The following PRKAR2A variants were observed in gnomAD, a reference collection of about 807,000 sequenced individuals.
PRKAR2A encodes cAMP-dependent protein kinase type II-alpha regulatory subunit.
Under a neutral mutation model 51.9 loss-of-function variants are expected in PRKAR2A, and 29 were observed. That is an observed-to-expected ratio of 0.56 (90% confidence interval 0.42 to 0.76). PRKAR2A has a LOEUF of 0.76. PRKAR2A is among the 30% of genes least tolerant of loss of function. PRKAR2A has a pLI of 0.00. For synonymous variants in PRKAR2A, 178 were observed against 186.2 expected, an observed-to-expected ratio of 0.96 and a Z score of 0.36; for missense variants, 445 against 512.1, an observed-to-expected ratio of 0.87 and a Z score of 1.26.
chr3:48,820,337 C>CA (rs1395133138), intron 1 of PRKAR2A, among the ~76,000 whole-genome samples: 2 of 151,908 alleles, frequency 1.3e-5, no homozygotes, highest in South Asian at 2.1e-4. Flanking sequence ...ATATTCCTGA[C>CA]AAAAAAATGA....
At chr3:48,840,227 T>A (rs2083354441) in intron 1 of PRKAR2A, among the ~76,000 whole-genome samples, 1 of 152,164 alleles carries the variant, frequency 6.6e-6, no homozygotes. Context: ...TGGTGGCTCA[T>A]GCCTGTAATC....
intron 2 of PRKAR2A, among the ~76,000 whole-genome samples, chr3:48,807,006 C>T (rs1338048573): frequency 6.6e-6 from 1 of 152,096 alleles, no homozygotes; most frequent in Non-Finnish European, 1.5e-5. Flanking sequence ...CTCCTCACCT[C>T]GTGATCCACC....
At chr3:48,780,295 C>T (rs2082173211) in intron 5 of PRKAR2A, among the ~76,000 whole-genome samples, 1 of 151,804 alleles carries the variant, frequency 6.6e-6, no homozygotes. Flanking sequence ...CCTAAATCAG[C>T]ATTTAGAGTA....
At chr3:48,763,273 T>C (rs1037706464) in intron 8 of PRKAR2A, among the ~76,000 whole-genome samples, 2 of 152,104 alleles carry the variant, frequency 1.3e-5, no homozygotes, top group Non-Finnish European at 1.5e-5. Flanking sequence ...GAAGCCTTGG[T>C]CCAGTGAGAG....
chr3:48,771,815 T>C (rs1176021065), intron 6 of PRKAR2A, among the ~76,000 whole-genome samples: 1 of 152,198 alleles, frequency 6.6e-6, no homozygotes, highest in Admixed American at 6.6e-5. Context: ...AAATGTTCAT[T>C]CTGTTGTTGC....
At chr3:48,782,930 C>G (rs1208266451) in intron 5 of PRKAR2A, 56 bp downstream of exon 5, 2 of 1,252,692 alleles carry the variant, frequency 1.6e-6, no homozygotes, top group Non-Finnish European at 2.3e-6. Context: ...AGCATCTGCC[C>G]TGAGTCATGA....
intron 1 of PRKAR2A, among the ~76,000 whole-genome samples, chr3:48,837,820 A>G (rs1417835053): frequency 6.6e-6 from 1 of 152,000 alleles, no homozygotes; most frequent in Non-Finnish European, 1.5e-5. Context: ...AAAAAAAAAA[A>G]GTACTGATAC....
chr3:48,847,321 C>A lies in PRKAR2A; in HGVS notation c.262+14G>T. 1 of 1,613,010 alleles carries A rather than the reference C, an allele frequency of 6.2e-7. No homozygotes were observed. The highest frequency in any genetic ancestry group is 8.5e-7 in the Non-Finnish European group (1 of 1,179,490). On this transcript the variant is annotated intron_variant, in intron 1 of 10. Coordinates refer to ENST00000265563, the MANE Select transcript of PRKAR2A (RefSeq NM_004157.4). The surrounding 1 kb of genome is among the most constrained non-coding windows in gnomAD (Gnocchi z 4.4). Reference sequence around the variant, plus strand: ...CCTCCTGCACCACTCCCCAGGGCCCCGCCCACAGCCTACCTTCCAAGTCCT... The same window carrying A: ...CCTCCTGCACCACTCCCCAGGGCCCAGCCCACAGCCTACCTTCCAAGTCCT...
At chr3:48,817,602 G>A (rs1476192141) in intron 1 of PRKAR2A, among the ~76,000 whole-genome samples, 2 of 151,152 alleles carry the variant, frequency 1.3e-5, no homozygotes, top group Non-Finnish European at 1.5e-5. Context: ...AGCCAAGGTC[G>A]CACCATTGCG....
intron 10 of PRKAR2A, among the ~76,000 whole-genome samples, 158 bp from the exon 11 acceptor site, chr3:48,751,876 T>C (rs1181960037): frequency 6.6e-6 from 1 of 152,198 alleles, no homozygotes; most frequent in East Asian, 1.9e-4. Flanking sequence ...CAGAAGACTG[T>C]CATCCAGGTT....
intron 8 of PRKAR2A, among the ~76,000 whole-genome samples, chr3:48,756,953 A>G (rs1055085254): frequency 2.4e-4 from 36 of 152,292 alleles, no homozygotes; most frequent in African/African-American, 8.4e-4. Flanking sequence ...TCACTGCCCC[A>G]TATGAGTAAA....
intron 1 of PRKAR2A, among the ~76,000 whole-genome samples, chr3:48,845,723 C>A (rs1157849291): frequency 6.6e-6 from 1 of 152,090 alleles, no homozygotes; most frequent in Non-Finnish European, 1.5e-5. Context: ...AAGGCAGGAG[C>A]ATTACTTGAG....
At chr3:48,766,615 A>G (rs999647016) in intron 6 of PRKAR2A, among the ~76,000 whole-genome samples, 4 of 152,144 alleles carry the variant, frequency 2.6e-5, no homozygotes, top group African/African-American at 9.7e-5. Context: ...AAGACAGCAT[A>G]TGAGCATATG....
At chr3:48,758,702 G>C (rs183963098) in intron 8 of PRKAR2A, among the ~76,000 whole-genome samples, 1 of 152,098 alleles carries the variant, frequency 6.6e-6, no homozygotes, top group East Asian at 1.9e-4. Flanking sequence ...AGCTCATATA[G>C]AATAGAAGCT....
chr3:48,806,777 C>CTT (rs879915211), intron 2 of PRKAR2A, among the ~76,000 whole-genome samples: 1 of 145,884 alleles, frequency 6.9e-6, no homozygotes, highest in Non-Finnish European at 1.5e-5. Context: ...GGAAAGCATT[C>CTT]TTTTTTTTTT....
chr3:48,751,310 T>A lies in PRKAR2A; in HGVS notation c.*275A>T, dbSNP rs1254599978. The stretch of plus-strand genomic sequence containing the variant: ...AGGCACTTAAATTGTTGGAGAGACA[T>A]GCCGTTTTGAACCAAAGATATAAAA... On this transcript the variant is annotated 3_prime_UTR_variant, in exon 11 of 11. Coordinates refer to ENST00000265563, the MANE Select transcript of PRKAR2A (RefSeq NM_004157.4). The A allele has an allele frequency of 1.7e-6, 1 of 587,024 alleles. No individual in the cohort carries two copies. Among genetic ancestry groups the A allele is most frequent in the East Asian group, 3.8e-5 (1 of 26,540 alleles). The allele number at this position is 587,024 out of a possible 1,614,324, so 36.4% of individuals were successfully genotyped here.
intron 1 of PRKAR2A, among the ~76,000 whole-genome samples, chr3:48,822,382 C>G (rs2107407579): frequency 6.6e-6 from 1 of 152,132 alleles, no homozygotes; most frequent in South Asian, 2.1e-4. Flanking sequence ...TCCATGGCCA[C>G]AGAACCATTT....
intron 1 of PRKAR2A, among the ~76,000 whole-genome samples, chr3:48,842,973 AGTTTCAGAAGGAATG>A (rs1255247269): frequency 6.6e-6 from 1 of 152,060 alleles, no homozygotes; most frequent in Non-Finnish European, 1.5e-5. Flanking sequence ...TGATTGGAAT[AGTTTCAGAAGGAATG>A]GTACCAGTTC....
chr3:48,807,501 A>G, intron 2 of PRKAR2A, 148 bp downstream of exon 2: 1 of 634,594 alleles, frequency 1.6e-6, no homozygotes, highest in Non-Finnish European at 2.7e-6. Context: ...CTTAAAATAA[A>G]AACAGAATAA....
Sources: gnomAD v4.1 joint callset for allele counts (sites outside exome capture counted in the v4.1 genomes callset) on GRCh38, gnomAD v4.1.1 for gene constraint, Gnocchi (gnomAD v3.1) non-coding constraint, MANE v1.5 for transcripts, NCBI Gene and HGNC (gene_info 2026-07-23, HGNC 2026-07-21) for gene names.